RPS11: variants seen among roughly 807,000 people sequenced by gnomAD.
RPS11 encodes small ribosomal subunit protein uS17.
For missense variants in RPS11, 127 were observed against 211.4 expected (o/e 0.60, Z 2.48); for synonymous variants, 107 against 78.0 (o/e 1.37, Z -1.96).
In RPS11 at chr19:49,496,438, T is replaced by C. The variant is rs1224842485; in HGVS notation, c.-19T>C. On this transcript the variant is annotated 5_prime_UTR_variant, in exon 1 of 5. Coordinates refer to ENST00000270625, the MANE Select transcript of RPS11 (RefSeq NM_001015.5). ...CCCGGACGCTGCTGCCCCTTTCTTT[T>C]TTTCAGGCGGCCGGGAAGATGGCGG... 1.9e-6 allele frequency: 3 copies of C among 1,612,306 alleles called. No individual in the cohort carries two copies. The highest frequency in any genetic ancestry group is 1.7e-6 in the Non-Finnish European group (2 of 1,179,272).
chr19:49,497,489 G>T (rs1342006126), intron 2 of RPS11, 31 bp from the exon 3 acceptor site: 4 of 1,610,068 alleles, frequency 2.5e-6, no homozygotes, highest in Non-Finnish European at 3.4e-6. Flanking sequence ...CCCGCCCAAG[G>T]CTCACTCCTT....
At position 49,497,508 on chromosome 19, in the gene RPS11, C is replaced by T. The variant is rs757926330; in HGVS notation, c.148-12C>T. 7.4e-6 allele frequency: 12 copies of T among 1,613,230 alleles called. No homozygotes were observed. In the Admixed American group the frequency reaches 8.3e-5, roughly 11 times the overall value. On this transcript the variant is annotated splice_polypyrimidine_tract_variant and intron_variant, in intron 2 of 4. Coordinates refer to ENST00000270625, the MANE Select transcript of RPS11 (RefSeq NM_001015.5). ...CCCAAGGCTCACTCCTTTATCTTTC[C>T]TATCCTTTCAGGCTATTGAGGGCAC...
At chr19:49,499,329 A>G (rs1177346172) in intron 4 of RPS11, among the ~76,000 whole-genome samples, 183 bp from the exon 5 acceptor site, 1 of 152,100 alleles carries the variant, frequency 6.6e-6, no homozygotes, top group African/African-American at 2.4e-5. Flanking sequence ...TACAGCGTTG[A>G]GCTTGGTGCT....
intron 3 of RPS11, 130 bp from the exon 4 acceptor site, chr19:49,497,787 G>A: frequency 7.3e-7 from 1 of 1,373,580 alleles, no homozygotes; most frequent in Non-Finnish European, 1.0e-6. Context: ...AAAGCCACTT[G>A]GTAAAACTGA....
Position 49,499,515 on chromosome 19 carries a change from C to G in RPS11, c.357C>G (p.Asp119Glu). 1.2e-6 allele frequency: 2 copies of G among 1,613,212 alleles called. No individual in the cohort carries two copies. Among genetic ancestry groups the G allele is most frequent in the Non-Finnish European group, 1.7e-6 (2 of 1,179,302 alleles). Residue 119 changes from aspartate to glutamate, a missense_variant, in exon 5 of 5, where the codon GAC becomes GAG. Physicochemically the swap from Asp to Glu is conservative, Grantham distance 45. Coordinates refer to ENST00000270625, the MANE Select transcript of RPS11 (RefSeq NM_001015.5). Reference sequence around the variant, plus strand: ...ATGGCCCTACCTGCCTCCACAGGGACGTCCAGATCGGTGACATCGTCACAG... The same window carrying G: ...ATGGCCCTACCTGCCTCCACAGGGAGGTCCAGATCGGTGACATCGTCACAG... The part of the protein sequence containing the change: ...MSVHLSPCFR[D>E]VQIGDIVTVG...
chr19:49,497,913 C>T lies in RPS11; in HGVS notation c.224-4C>T, dbSNP rs140800343. ...CCTGACCTATGATCGGCCCCCGCTC[C>T]TAGGCGTGGTGACCAAGATGAAGAT... On this transcript the variant is annotated splice_polypyrimidine_tract_variant and splice_region_variant and intron_variant, in intron 3 of 4. Coordinates refer to ENST00000270625, the MANE Select transcript of RPS11 (RefSeq NM_001015.5). 0.014 allele frequency: 23,216 copies of T among 1,614,142 alleles called. 224 individuals carry two copies. The highest frequency in any genetic ancestry group is 0.03 in the Middle Eastern group (184 of 6,062).
rs769589445 is a variant in RPS11, at chr19:49,497,329, C to CG, written c.147+8dup. On this transcript the variant is annotated splice_donor_region_variant and intron_variant, in intron 2 of 4. Transcript: ENST00000270625. ...GGGCTTCAAGACACCCAAGGAGGTG[C>CG]GGGGAACCTCAGAAGAAAGAAGGGG... 1.5e-5 allele frequency: 25 copies of CG among 1,613,820 alleles called. 1 individual carries two copies. The highest frequency in any genetic ancestry group is 1.6e-4 in the Middle Eastern group (1 of 6,084).
intron 1 of RPS11, among the ~76,000 whole-genome samples, chr19:49,496,944 C>G (rs1568691917): frequency 1.3e-5 from 2 of 152,024 alleles, no homozygotes; most frequent in Admixed American, 1.3e-4. Context: ...ATGAATTTTG[C>G]AATCCCTGAG....
At chr19:49,498,778 C>G (rs1459407195) in intron 4 of RPS11, among the ~76,000 whole-genome samples, 1 of 152,146 alleles carries the variant, frequency 6.6e-6, no homozygotes, top group Non-Finnish European at 1.5e-5. Flanking sequence ...TCAGATTTTG[C>G]AGCGTTTCAG....
chr19:49,498,514 G>C (rs145604978), intron 4 of RPS11, among the ~76,000 whole-genome samples: 89 of 152,348 alleles, frequency 5.8e-4, no homozygotes, highest in African/African-American at 2.0e-3. Flanking sequence ...CACTGTAGGA[G>C]GCTGAGGCAG....
chr19:49,496,697 T>A (rs564329983), intron 1 of RPS11, among the ~76,000 whole-genome samples: 1 of 152,286 alleles, frequency 6.6e-6, no homozygotes, highest in East Asian at 1.9e-4. Context: ...GTTTTAGGAC[T>A]TACCTTCTTA....
chr19:49,497,385 C>CT, intron 2 of RPS11, 60 bp downstream of exon 2: 4 of 1,609,516 alleles, frequency 2.5e-6, no homozygotes, highest in Non-Finnish European at 2.6e-6. Flanking sequence ...GTGCCCACGA[C>CT]GAGTTGCCCT....
At chr19:49,497,419 G>C (rs1425584184) in intron 2 of RPS11, 94 bp downstream of exon 2, 1 of 1,599,910 alleles carries the variant, frequency 6.3e-7, no homozygotes, top group Non-Finnish European at 8.6e-7. Context: ...TGGCTTCTGG[G>C]GCTGCTGGGA....
At chr19:49,498,294 G>T (rs2079917555) in intron 4 of RPS11, 5 of 513,854 alleles carry the variant, frequency 9.7e-6, no homozygotes, top group Non-Finnish European at 1.8e-5. Context: ...AGATGTTTTG[G>T]GGATGTGACA....
intron 4 of RPS11, 72 bp from the exon 5 acceptor site, chr19:49,499,440 A>C (rs2079923643): frequency 5.2e-6 from 8 of 1,540,472 alleles, no homozygotes; most frequent in Non-Finnish European, 7.1e-6. Flanking sequence ...AGCCTGGTGA[A>C]GGGGAGGGAG....
rs552573498 is a variant in RPS11, at chr19:49,498,521, GCAGGAGGATCCCTTGAGCC to G, written c.353+482_353+500del. On this transcript the variant is annotated intron_variant, in intron 4 of 4. Transcript: ENST00000270625. ...AATCCCAGCACTGTAGGAGGCTGAGGCAGGAGGATCCCTTGAGCCCAGGAGTTTGAGACCAGCCTGGGCA... is the reference window on the plus strand; with the variant it reads ...AATCCCAGCACTGTAGGAGGCTGAGGCAGGAGTTTGAGACCAGCCTGGGCA... Among the ~76,000 whole-genome samples, 267 of 152,340 alleles carry G rather than the reference GCAGGAGGATCCCTTGAGCC, an allele frequency of 1.8e-3. 1 individual carries two copies. The highest frequency in any genetic ancestry group is 9.8e-3 in the East Asian group (51 of 5,190).
At position 49,497,539 on chromosome 19, in the gene RPS11, T is replaced by C. The variant is rs746115690; in HGVS notation, c.167T>C (p.Ile56Thr). The change falls in exon 3 of 5, where the codon ATT becomes ACT. Residue 56 changes from isoleucine to threonine, a missense_variant. Physicochemically the swap from Ile to Thr is moderately conservative, Grantham distance 89 (BLOSUM62 -1). Coordinates refer to ENST00000270625, the MANE Select transcript of RPS11 (RefSeq NM_001015.5). ...TTTCAGGCTATTGAGGGCACCTACA[T>C]TGACAAGAAATGCCCCTTCACTGGT... ...TPKEAIEGTYIDKKCPFTGNV... is the reference protein window; with the variant it reads ...TPKEAIEGTYTDKKCPFTGNV... 6 of 1,613,828 alleles carry C rather than the reference T, an allele frequency of 3.7e-6. No homozygotes were observed. In the African/African-American group the frequency reaches 8.0e-5, roughly 22 times the overall value.
intron 1 of RPS11, among the ~76,000 whole-genome samples, chr19:49,496,805 C>T (rs1244443487): frequency 2.0e-5 from 3 of 152,056 alleles, no homozygotes; most frequent in Non-Finnish European, 4.4e-5. Flanking sequence ...AGCCTGCCGT[C>T]TGGTATTTAA....
intron 1 of RPS11, 21 bp from the exon 2 acceptor site, chr19:49,497,173 T>A (rs1275347955): frequency 6.2e-7 from 1 of 1,611,008 alleles, no homozygotes; most frequent in Admixed American, 1.7e-5. Context: ...AGCTCATCAG[T>A]TTTCTCCTCA....
Sources: allele counts gnomAD v4.1 joint callset (sites outside exome capture counted in the v4.1 genomes callset), GRCh38; gene constraint gnomAD v4.1.1; transcripts MANE v1.5; gene names NCBI Gene and HGNC (gene_info 2026-07-23, HGNC 2026-07-21).